Variants in TIAM1 observed in about 807,000 individuals in gnomAD.
TIAM1 encodes TIAM Rac1 associated GEF 1.
A neutral mutation model predicts 163.5 loss-of-function variants in TIAM1; 65 were observed. The observed-to-expected ratio is 0.40, with a 90% CI of 0.33 to 0.49. TIAM1 has a LOEUF of 0.49. Among genes scored for constraint, TIAM1 ranks in the 20% least tolerant of loss-of-function variants. The pLI, the probability that TIAM1 is intolerant of heterozygous loss-of-function variation, is 0.77. For synonymous variants in TIAM1, 833 were observed against 810.1 expected, an observed-to-expected ratio of 1.03 and a Z score of -0.48; for missense variants, 1,789 against 2,044.7, an observed-to-expected ratio of 0.87 and a Z score of 2.41.
At chr21:31,216,265 T>C (rs1452803373) in intron 9 of TIAM1, among the ~76,000 whole-genome samples, 3 of 152,160 alleles carry the variant, frequency 2.0e-5, no homozygotes, top group Non-Finnish European at 4.4e-5. Context: ...TTTCTAAAAT[T>C]CATTTCTTAA....
At position 31,366,352 on chromosome 21, in the gene TIAM1, G is replaced by T. The variant is rs148112208; in HGVS notation, c.-368-26930C>A. On this transcript the variant is annotated intron_variant, in intron 2 of 28. Coordinates refer to the TIAM1 transcript ENST00000286827. ...ACCACACAGATGTTACTTAACTTAC[G>T]CATGTCCCAAATGGAAAGAAACATA... Among the ~76,000 whole-genome samples the T allele has an allele frequency of 3.1e-3, 472 of 152,244 alleles. 3 individuals are homozygous for T. Among genetic ancestry groups the T allele is most frequent in the African/African-American group, 0.011 (458 of 41,544 alleles).
At chr21:31,227,261 G>A (rs889725853) in intron 6 of TIAM1, among the ~76,000 whole-genome samples, 1 of 152,082 alleles carries the variant, frequency 6.6e-6, no homozygotes, top group African/African-American at 2.4e-5. Context: ...CCAGCCACTT[G>A]TAAACAACAT....
chr21:31,388,731 T>C (rs1272996425), intron 2 of TIAM1, among the ~76,000 whole-genome samples: 2 of 152,150 alleles, frequency 1.3e-5, no homozygotes, highest in African/African-American at 4.8e-5. Context: ...CTGCTTATGT[T>C]TTTATGCCTC....
chr21:31,154,262 C>T lies in TIAM1; in HGVS notation c.3156G>A (p.Glu1052=), dbSNP rs1266029375. ...RKVICELLET[E]RTYVKDLNCL... ...AGAAACATACCTTCACGTAGGTGCG[C>T]TCCGTCTCCAGGAGCTCGCAGATCA... is the stretch of plus-strand genomic sequence containing the variant. Residue 1052 remains glutamate, a synonymous_variant, in exon 17 of 28, where the codon GAG becomes GAA. Coordinates refer to ENST00000541036, the MANE Select transcript of TIAM1 (RefSeq NM_001353694.2). 51 of 1,613,900 alleles carry T rather than the reference C, an allele frequency of 3.2e-5. No homozygotes were observed. The highest frequency in any genetic ancestry group is 3.8e-5 in the Non-Finnish European group (45 of 1,179,982).
At chr21:31,443,562 C>T (rs750566948) in intron 2 of TIAM1, among the ~76,000 whole-genome samples, 192 of 152,158 alleles carry the variant, frequency 1.3e-3, no homozygotes, top group Non-Finnish European at 2.5e-3. Context: ...TTGAAGCCCT[C>T]CTTGACCATC....
chr21:31,130,184 T>C, intron 25 of TIAM1, 29 bp downstream of exon 25: 2 of 1,583,602 alleles, frequency 1.3e-6, no homozygotes, highest in Non-Finnish European at 1.7e-6. Context: ...AATATGTGTG[T>C]GAAATACCCA....
At chr21:31,130,096 G>GAA (rs386352639) in intron 25 of TIAM1, 117 bp downstream of exon 25, 415 of 555,254 alleles carry the variant, frequency 7.5e-4, no homozygotes, top group South Asian at 1.9e-3. Context: ...TAAGCATAGG[G>GAA]AAAAAAAAAA....
intron 2 of TIAM1, among the ~76,000 whole-genome samples, chr21:31,412,510 A>T (rs186401717): frequency 1.3e-5 from 2 of 152,054 alleles, no homozygotes; most frequent in East Asian, 3.9e-4. Flanking sequence ...AGCCAGGCAC[A>T]GTGGCTCACG....
intron 15 of TIAM1, 143 bp from the exon 16 acceptor site, chr21:31,165,208 G>T: frequency 3.3e-6 from 2 of 609,708 alleles, no homozygotes; most frequent in Non-Finnish European, 5.7e-6. Context: ...CCATCACCTG[G>T]GCTCAATCAA....
At chr21:31,555,804 A>G (rs2048856260) in intron 1 of TIAM1, among the ~76,000 whole-genome samples, 1 of 152,204 alleles carries the variant, frequency 6.6e-6, no homozygotes, top group African/African-American at 2.4e-5. Context: ...AAATCGCAGA[A>G]GTGTTAATAC....
At chr21:31,450,186 G>C (rs1374922019) in intron 2 of TIAM1, among the ~76,000 whole-genome samples, 4 of 152,050 alleles carry the variant, frequency 2.6e-5, no homozygotes, top group African/African-American at 4.8e-5. Context: ...GAATATACAA[G>C]ACAACTCTGT....
chr21:31,373,064 A>G (rs1001278191), intron 2 of TIAM1, among the ~76,000 whole-genome samples: 2 of 145,244 alleles, frequency 1.4e-5, no homozygotes, highest in Admixed American at 6.8e-5. Flanking sequence ...TCAAAAAAAA[A>G]AAAAGAAAAG....
chr21:31,152,373 A>C (rs543466318), intron 19 of TIAM1, among the ~76,000 whole-genome samples: 48 of 152,218 alleles, frequency 3.2e-4, no homozygotes, highest in Non-Finnish European at 6.5e-4. Flanking sequence ...AAAGCATTAA[A>C]GGCCCCCACA....
intron 1 of TIAM1, among the ~76,000 whole-genome samples, chr21:31,466,015 G>A (rs1236789740): frequency 1.3e-5 from 2 of 152,152 alleles, no homozygotes; most frequent in African/African-American, 4.8e-5. Context: ...CTTCTTACAG[G>A]TCTTGATATT....
chr21:31,521,745 A>ACAC (rs2047595411), intron 1 of TIAM1, among the ~76,000 whole-genome samples: 1 of 146,862 alleles, frequency 6.8e-6, no homozygotes, highest in Non-Finnish European at 1.5e-5. Context: ...CTCACACACA[A>ACAC]ACACACACAC....
intron 1 of TIAM1, among the ~76,000 whole-genome samples, chr21:31,517,547 C>T (rs2047426103): frequency 6.6e-6 from 1 of 152,084 alleles, no homozygotes; most frequent in African/African-American, 2.4e-5. Context: ...AAAACACACG[C>T]AGAAGAGGAA....
chr21:31,348,668 C>G (rs976177267), upstream of TIAM1, among the ~76,000 whole-genome samples: 1 of 152,202 alleles, frequency 6.6e-6, no homozygotes, highest in African/African-American at 2.4e-5. Context: ...ATCCCACACA[C>G]TCCCATGCTA....
chr21:31,386,039 C>T (rs1485932446), intron 2 of TIAM1, among the ~76,000 whole-genome samples: 1 of 151,550 alleles, frequency 6.6e-6, no homozygotes, highest in Non-Finnish European at 1.5e-5. Flanking sequence ...AAATTAAACT[C>T]TAAGAGAATT....
At chr21:31,126,312 T>C (rs1483059116) in intron 26 of TIAM1, among the ~76,000 whole-genome samples, 2 of 152,034 alleles carry the variant, frequency 1.3e-5, no homozygotes, top group African/African-American at 2.4e-5. Context: ...CTCACGCCTG[T>C]AATCCAAGCA....
Sources: gnomAD v4.1 joint callset for allele counts (sites outside exome capture counted in the v4.1 genomes callset) on GRCh38, gnomAD v4.1.1 for gene constraint, MANE v1.5 for transcripts, NCBI Gene and HGNC (gene_info 2026-07-23, HGNC 2026-07-21) for gene names.